MCC: variants seen among roughly 807,000 people sequenced by gnomAD.
The protein encoded by MCC is colorectal mutant cancer protein.
A neutral mutation model predicts 116.2 loss-of-function variants in MCC; 90 were observed. The observed-to-expected ratio is 0.77, with a 90% CI of 0.65 to 0.92. The LOEUF is 0.92. MCC is among the 40% of genes least tolerant of loss of function. The pLI is 0.00. For synonymous variants in MCC, 578 were observed against 510.5 expected (o/e 1.13, Z -1.78); for missense variants, 1,516 against 1,312.2 (o/e 1.16, Z -2.40).
chr5:113,033,006 G>A (rs1458786807), intron 17 of MCC, among the ~76,000 whole-genome samples: 1 of 152,222 alleles, frequency 6.6e-6, no homozygotes, highest in Non-Finnish European at 1.5e-5. Context: ...GCAACCAGCA[G>A]CCCCCAAGGC....
At chr5:113,187,898 C>G (rs1382883732) in intron 3 of MCC, among the ~76,000 whole-genome samples, 6 of 152,134 alleles carry the variant, frequency 3.9e-5, no homozygotes. Context: ...AAACAAGGTC[C>G]CTTACAGTTC....
chr5:113,219,562 T>C lies in MCC; in HGVS notation c.628-68140A>G, dbSNP rs570566570. On this transcript the variant is annotated intron_variant, in intron 3 of 18. Transcript: ENST00000408903. ...GTATTACGTTAGTAATAGTATATTA[T>C]TGATAGTCTATAATCATTGCTTTAA... Among the ~76,000 whole-genome samples the C allele has an allele frequency of 3.9e-5, 6 of 152,346 alleles. 1 individual carries two copies. The Middle Eastern group carries it at 0.017, about 432-fold the overall frequency.
chr5:113,388,110 A>T (rs1769314036), intron 1 of MCC, among the ~76,000 whole-genome samples: 1 of 152,198 alleles, frequency 6.6e-6, no homozygotes, highest in South Asian at 2.1e-4. Context: ...AGCTGCAAAG[A>T]AGTAACTGTG....
chr5:113,306,670 G>C (rs1258897974), intron 3 of MCC, among the ~76,000 whole-genome samples: 1 of 151,920 alleles, frequency 6.6e-6, no homozygotes, highest in African/African-American at 2.4e-5. Flanking sequence ...TTTGTGAGCT[G>C]TCTTTTCCCT....
At chr5:113,399,310 C>A (rs972217003) in intron 1 of MCC, among the ~76,000 whole-genome samples, 1 of 152,016 alleles carries the variant, frequency 6.6e-6, no homozygotes, top group Non-Finnish European at 1.5e-5. Context: ...AAGGTGAAAC[C>A]CTGTCTCTAC....
intron 14 of MCC, among the ~76,000 whole-genome samples, chr5:113,062,635 C>T (rs1030355697): frequency 6.6e-6 from 1 of 152,210 alleles, no homozygotes; most frequent in Non-Finnish European, 1.5e-5. Flanking sequence ...TTAAGAAGAG[C>T]ATCTGCTTTC....
At chr5:113,131,973 T>G (rs1758459895) in intron 5 of MCC, among the ~76,000 whole-genome samples, 1 of 152,134 alleles carries the variant, frequency 6.6e-6, no homozygotes, top group African/African-American at 2.4e-5. Flanking sequence ...TAAATCGCAA[T>G]AGCAATGATA....
At chr5:113,031,430 T>G (rs1249854224) in intron 17 of MCC, among the ~76,000 whole-genome samples, 1 of 103,158 alleles carries the variant, frequency 9.7e-6, no homozygotes, top group South Asian at 3.4e-4. Context: ...CAACACCTCC[T>G]CGGCCTTCCC....
chr5:113,359,077 ATAT>A (rs1768482249), intron 2 of MCC, among the ~76,000 whole-genome samples: 1 of 152,188 alleles, frequency 6.6e-6, no homozygotes, highest in African/African-American at 2.4e-5. Context: ...GCGGTAAATA[ATAT>A]TATCTCTCAG....
At chr5:113,361,583 T>C (rs1768549492) in intron 2 of MCC, among the ~76,000 whole-genome samples, 1 of 152,222 alleles carries the variant, frequency 6.6e-6, no homozygotes. Context: ...TAATTTTAGG[T>C]GTCAATTTGA....
chr5:113,284,094 G>C (rs906978247), intron 3 of MCC, among the ~76,000 whole-genome samples: 3 of 152,204 alleles, frequency 2.0e-5, no homozygotes, highest in African/African-American at 7.2e-5. Flanking sequence ...TTATCAGTAA[G>C]TCTTCTGGTC....
chr5:113,413,514 C>T (rs139901072), intron 1 of MCC, among the ~76,000 whole-genome samples: 2,707 of 152,260 alleles, frequency 0.018, 37 homozygotes, highest in Middle Eastern at 0.078. Flanking sequence ...GTGTATGTGT[C>T]CAGGAATTTA....
At chr5:113,099,713 C>T (rs924271487) in intron 8 of MCC, among the ~76,000 whole-genome samples, 6 of 152,156 alleles carry the variant, frequency 3.9e-5, no homozygotes, top group Admixed American at 1.3e-4. Flanking sequence ...GTAGTGCCTC[C>T]GCACTGTGCT....
At chr5:113,347,855 A>G (rs1051079235) in intron 2 of MCC, among the ~76,000 whole-genome samples, 2 of 152,142 alleles carry the variant, frequency 1.3e-5, no homozygotes, top group Non-Finnish European at 2.9e-5. Context: ...TTACCTATAA[A>G]GATACACACA....
intron 1 of MCC, among the ~76,000 whole-genome samples, chr5:113,475,058 T>G (rs766639686): frequency 6.6e-6 from 1 of 152,228 alleles, no homozygotes; most frequent in Non-Finnish European, 1.5e-5. Flanking sequence ...ATGCTTCCCT[T>G]CACCCCATCT....
intron 3 of MCC, among the ~76,000 whole-genome samples, chr5:113,177,825 C>T (rs1761413967): frequency 6.6e-6 from 1 of 152,024 alleles, no homozygotes. Flanking sequence ...AGTTTTAATG[C>T]CTGAGTAAAT....
intron 3 of MCC, among the ~76,000 whole-genome samples, chr5:113,306,787 T>C (rs544626306): frequency 7.9e-5 from 12 of 152,302 alleles, no homozygotes; most frequent in African/African-American, 2.6e-4. Context: ...TAATAAATGA[T>C]TGCCTAATGC....
rs138503711 is a variant in MCC, at chr5:113,037,249, G to C, written c.2756+6281C>G. On this transcript the variant is annotated intron_variant, in intron 17 of 18. Transcript: ENST00000408903. The stretch of plus-strand genomic sequence containing the variant: ...TAGGGTCATCCTTTTTCCATTCAGG[G>C]ACAAATGTTGGTTCCTACAAGTCTG... Among the ~76,000 whole-genome samples, 22 of 152,242 alleles carry C rather than the reference G, an allele frequency of 1.4e-4. No individual in the cohort carries two copies. The East Asian group carries it at 4.2e-3, about 29-fold the overall frequency.
chr5:113,209,100 G>A (rs944715314), intron 3 of MCC, among the ~76,000 whole-genome samples: 1 of 152,160 alleles, frequency 6.6e-6, no homozygotes, highest in African/African-American at 2.4e-5. Flanking sequence ...AACAGAAGCT[G>A]TATGTCCAAC....
Sources: gnomAD v4.1 joint callset for allele counts (sites outside exome capture counted in the v4.1 genomes callset) on GRCh38, gnomAD v4.1.1 for gene constraint, MANE v1.5 for transcripts, NCBI Gene and HGNC (gene_info 2026-07-23, HGNC 2026-07-21) for gene names.